Variants in OSBPL5 observed in about 807,000 individuals in gnomAD.
OSBPL5 encodes oxysterol binding protein like 5.
OSBPL5 carries 71 observed loss-of-function variants against 111.2 expected under a neutral mutation model. That is an observed-to-expected ratio of 0.64 (90% CI 0.53 to 0.78). The LOEUF (loss-of-function observed/expected upper bound fraction) is 0.78, where lower values mean the gene tolerates loss of function less well. Ranked by LOEUF, OSBPL5 falls within the 30% of genes least tolerant of loss-of-function variation. The pLI, the probability that OSBPL5 is intolerant of heterozygous loss-of-function variation, is 0.00. For synonymous variants in OSBPL5, 549 were observed against 513.9 expected, an observed-to-expected ratio of 1.07 and a Z score of -0.93; for missense variants, 1,210 against 1,189.3, an observed-to-expected ratio of 1.02 and a Z score of -0.26.
chr11:3,111,977 GTGCGCGCA>G, intron 7 of OSBPL5, among the ~76,000 whole-genome samples: 5 of 134,078 alleles, frequency 3.7e-5, no homozygotes, highest in African/African-American at 5.4e-5. Flanking sequence ...GTGCATATGT[GTGCGCGCA>G]TGTGTGTGCA....
In OSBPL5 at chr11:3,106,167, T is replaced by C. The variant is rs1025601716; in HGVS notation, c.1059+1096A>G. On this transcript the variant is annotated intron_variant, in intron 9 of 21. Coordinates refer to ENST00000263650, the MANE Select transcript of OSBPL5 (RefSeq NM_020896.4). The surrounding 1 kb of genome is among the most constrained non-coding windows in gnomAD (Gnocchi z 8.4). The stretch of plus-strand genomic sequence containing the variant: ...ACAGCAGCCCGCAGGGAGGCCATGG[T>C]GTTCCACTGAACACAAGGATTTCAC... Among the ~76,000 whole-genome samples, 6 of 152,116 alleles carry C rather than the reference T, an allele frequency of 3.9e-5. No individual in the cohort carries two copies. The highest frequency in any genetic ancestry group is 1.4e-4 in the African/African-American group (6 of 41,430).
Position 3,130,861 on chromosome 11 carries a change from T to C in OSBPL5, c.-21-1692A>G, listed in dbSNP as rs1007102402. Among the ~76,000 whole-genome samples, 1 of 152,038 alleles carries C rather than the reference T, an allele frequency of 6.6e-6. No homozygotes were observed. The highest frequency in any genetic ancestry group is 2.4e-5 in the African/African-American group (1 of 41,376). ...AACAAACACGTCCTACTTGCCCAGG[T>C]GCAGCTCAGGATGGGAACCAGCAGC... On this transcript the variant is annotated intron_variant, in intron 1 of 21. Coordinates refer to ENST00000263650, the MANE Select transcript of OSBPL5 (RefSeq NM_020896.4). This position sits in a 1 kb window ranked among gnomAD's most constrained non-coding sequence, Gnocchi z 4.5.
In OSBPL5 at chr11:3,088,274, G is replaced by A; in HGVS notation, c.2571C>T (p.Ser857=). 6.2e-7 allele frequency: 1 copy of A among 1,608,686 alleles called. No individual in the cohort carries two copies. Among genetic ancestry groups the A allele is most frequent in the Non-Finnish European group, 8.5e-7 (1 of 1,177,702 alleles). The change falls in exon 22 of 22, where the codon AGC becomes AGT. Residue 857 remains serine (S), a synonymous_variant. Transcript: ENST00000263650. ...CGCAGAGCAGGAACCAGGATCGGGG[G>A]CTCTGCAGGAGGCCTGGGGTCGGTG... ...AQAPTPGLLQ[S]PRSWFLLCVF... is the part of the protein sequence containing the mutation.
chr11:3,144,117 T>C (rs1846249400), intron 1 of OSBPL5, among the ~76,000 whole-genome samples: 2 of 151,536 alleles, frequency 1.3e-5, no homozygotes, highest in Admixed American at 1.3e-4. Flanking sequence ...CAAACACGGG[T>C]TTATTGTTTG....
At position 3,101,594 on chromosome 11, in the gene OSBPL5, C is replaced by A. The variant is rs115492535; in HGVS notation, c.1522+9G>T. On this transcript the variant is annotated intron_variant, in intron 13 of 21. Transcript: ENST00000263650. The stretch of plus-strand genomic sequence containing the variant: ...AGGCCCCAGGGAGCGCCCAGGGTGA[C>A]CCCCTCACCATAAAACCTGGACTTG... The A allele has an allele frequency of 5.5e-5, 88 of 1,610,712 alleles. No individual in the cohort carries two copies. The highest frequency in any genetic ancestry group is 7.0e-5 in the Non-Finnish European group (83 of 1,177,510).
At chr11:3,119,233 A>G (rs1431804597) in intron 7 of OSBPL5, among the ~76,000 whole-genome samples, 6 of 151,064 alleles carry the variant, frequency 4.0e-5, no homozygotes, top group Admixed American at 3.9e-4. Flanking sequence ...CTGGTCCTGA[A>G]CTCCTGACCT....
In OSBPL5 at chr11:3,103,771, TCCAG is replaced by T. The variant is rs1323813416; in HGVS notation, c.1244+418_1244+421del. On this transcript the variant is annotated intron_variant, in intron 10 of 21. Coordinates refer to ENST00000263650, the MANE Select transcript of OSBPL5 (RefSeq NM_020896.4). ...CCCTCTTCCAGCTCTGCAGCCCCCT[TCCAG>T]CCTCTGCAGTCCCTTCCTGCCTCTG... Among the ~76,000 whole-genome samples, 15 of 68,720 alleles carry T rather than the reference TCCAG, an allele frequency of 2.2e-4. 1 individual carries two copies. The highest frequency in any genetic ancestry group is 1.0e-3 in the Admixed American group (7 of 6,698). The allele number at this position is 68,720 out of a possible 152,430, so 45.1% of individuals were successfully genotyped here.
chr11:3,152,425 T>C (rs969529637), intron 1 of OSBPL5, among the ~76,000 whole-genome samples: 5 of 152,206 alleles, frequency 3.3e-5, no homozygotes, highest in Admixed American at 2.0e-4. Flanking sequence ...CTGCGCACAC[T>C]GAAAGCTGTT....
intron 1 of OSBPL5, among the ~76,000 whole-genome samples, chr11:3,159,653 G>A (rs1024442165): frequency 6.6e-6 from 1 of 152,212 alleles, no homozygotes; most frequent in African/African-American, 2.4e-5. Flanking sequence ...GAGGTGGAGG[G>A]TCTGCCGGCA....
chr11:3,164,174 G>C (rs1013787954), intron 1 of OSBPL5: 15 of 152,234 alleles, frequency 9.9e-5, no homozygotes, highest in African/African-American at 3.6e-4. Context: ...AAGTCTTCCT[G>C]TAAAAGGCAC....
At chr11:3,143,736 G>C (rs76725158) in intron 1 of OSBPL5, among the ~76,000 whole-genome samples, 1 of 152,206 alleles carries the variant, frequency 6.6e-6, no homozygotes, top group Admixed American at 6.5e-5. Context: ...TTTGGGGAAA[G>C]AGCATGGGCT....
chr11:3,147,641 C>A (rs906301748), intron 1 of OSBPL5, among the ~76,000 whole-genome samples: 1 of 152,230 alleles, frequency 6.6e-6, no homozygotes, highest in South Asian at 2.1e-4. Context: ...GAAATTTACC[C>A]TTGGGACTAA....
At position 3,126,388 on chromosome 11, in the gene OSBPL5, CCCTGCTGTCCTTTTCCCCAGCCGTTT is replaced by C; in HGVS notation, c.219+59_219+84del. The C allele has an allele frequency of 2.4e-6, 3 of 1,227,538 alleles. No individual in the cohort carries two copies. Among genetic ancestry groups the C allele is most frequent in the East Asian group, 2.8e-5 (1 of 36,272 alleles). 76.0% of individuals were successfully genotyped at this position (1,227,538 alleles called of 1,614,324 possible). ...CTGGAATGGCAGGCTCAGCTGGACGCCCTGCTGTCCTTTTCCCCAGCCGTTTCCTGCTGTCCCCAGAGCCAGGCTCT... is the reference window on the plus strand; with the variant it reads ...CTGGAATGGCAGGCTCAGCTGGACGCCCTGCTGTCCCCAGAGCCAGGCTCT... On this transcript the variant is annotated intron_variant, in intron 3 of 21. Coordinates refer to ENST00000263650, the MANE Select transcript of OSBPL5 (RefSeq NM_020896.4). This position sits in a 1 kb window ranked among gnomAD's most constrained non-coding sequence, Gnocchi z 6.5.
chr11:3,143,136 G>C (rs111577322), intron 1 of OSBPL5, among the ~76,000 whole-genome samples: 2 of 92,260 alleles, frequency 2.2e-5, no homozygotes, highest in Admixed American at 1.0e-4. Context: ...GGTGCAGAGG[G>C]GGGCAGAGGA....
In OSBPL5 at chr11:3,106,380, G is replaced by GC. The variant is rs1332430621; in HGVS notation, c.1059+882dup. On this transcript the variant is annotated intron_variant, in intron 9 of 21. Coordinates refer to ENST00000263650, the MANE Select transcript of OSBPL5 (RefSeq NM_020896.4). This position sits in a 1 kb window ranked among gnomAD's most constrained non-coding sequence, Gnocchi z 8.4. Reference sequence around the variant, plus strand: ...GAATGACAAGATCCCAGATCACAGAGCCCCCCGTTCCTGACAGCCCCCACC... The same window carrying GC: ...GAATGACAAGATCCCAGATCACAGAGCCCCCCCGTTCCTGACAGCCCCCACC... 4.0e-5 allele frequency among the ~76,000 whole-genome samples: 6 copies of GC among 151,878 alleles called. No individual in the cohort carries two copies. Among genetic ancestry groups the GC allele is most frequent in the African/African-American group, 4.8e-5 (2 of 41,334 alleles).
chr11:3,131,546 T>C (rs58345820), intron 1 of OSBPL5, among the ~76,000 whole-genome samples: 77,833 of 133,772 alleles, frequency 0.58, 22,740 homozygotes, highest in Non-Finnish European at 0.64. Flanking sequence ...CATCCATCCA[T>C]CCACCCACCC....
chr11:3,124,044 G>A (rs1858513763), intron 3 of OSBPL5, among the ~76,000 whole-genome samples: 1 of 152,212 alleles, frequency 6.6e-6, no homozygotes, highest in South Asian at 2.1e-4. Flanking sequence ...GAGGAGCCAG[G>A]GGTCAGGTGA....
At chr11:3,139,411 T>C (rs1003992395) in intron 1 of OSBPL5, among the ~76,000 whole-genome samples, 2 of 152,046 alleles carry the variant, frequency 1.3e-5, no homozygotes, top group African/African-American at 2.4e-5. Context: ...GCCAGGATGA[T>C]GGGGGAAGGA....
chr11:3,149,549 T>C (rs960237982), intron 1 of OSBPL5, among the ~76,000 whole-genome samples: 5 of 152,204 alleles, frequency 3.3e-5, no homozygotes, highest in African/African-American at 1.2e-4. Flanking sequence ...GCGCAGGCCG[T>C]GGGGACAGTT....
Sources: allele counts gnomAD v4.1 joint callset (sites outside exome capture counted in the v4.1 genomes callset), GRCh38; gene constraint gnomAD v4.1.1; non-coding constraint Gnocchi (gnomAD v3.1); transcripts MANE v1.5; gene names NCBI Gene and HGNC (gene_info 2026-07-23, HGNC 2026-07-21).